FGF14: variants seen among roughly 807,000 people sequenced by gnomAD.
FGF14 encodes fibroblast growth factor 14, also known as fibroblast growth factor homologous factor 4.
A neutral mutation model predicts 25.5 loss-of-function variants in FGF14; 5 were observed. The observed-to-expected ratio is 0.20, with a 90% CI of 0.10 to 0.41. The LOEUF (loss-of-function observed/expected upper bound fraction) is 0.41. Among genes scored for constraint, FGF14 ranks in the 10% least tolerant of loss-of-function variants. The pLI, the probability that FGF14 is intolerant of heterozygous loss-of-function variation, is 1.00. For synonymous variants in FGF14, 138 were observed against 118.3 expected (o/e 1.17, Z -1.08); for missense variants, 222 against 320.1 (o/e 0.69, Z 2.34).
At chr13:102,086,845 T>C (rs74756942) in intron 1 of FGF14, among the ~76,000 whole-genome samples, 2 of 152,172 alleles carry the variant, frequency 1.3e-5, no homozygotes, top group Non-Finnish European at 2.9e-5. Context: ...CTGGCACACA[T>C]AGAACTGTGC....
intron 1 of FGF14, among the ~76,000 whole-genome samples, chr13:102,161,638 AAGAAGAAG>A (rs2047720620): frequency 8.6e-5 from 1 of 11,584 alleles, no homozygotes; most frequent in Non-Finnish European, 1.6e-4. Flanking sequence ...GAAGAAGAAG[AAGAAGAAG>A]AAGAAGAAGA....
chr13:101,904,945 A>C (rs1044507279), intron 1 of FGF14, among the ~76,000 whole-genome samples: 1 of 152,240 alleles, frequency 6.6e-6, no homozygotes, highest in Non-Finnish European at 1.5e-5. Context: ...TGCAGAAAAC[A>C]AAAGTTGGTC....
At chr13:102,257,272 T>C (rs1381383358) in intron 1 of FGF14, among the ~76,000 whole-genome samples, 1 of 151,742 alleles carries the variant, frequency 6.6e-6, no homozygotes, top group Non-Finnish European at 1.5e-5. Flanking sequence ...ATTCTTTCAA[T>C]AGTTTGCTGA....
At chr13:102,175,771 C>A (rs996825134) in intron 1 of FGF14, among the ~76,000 whole-genome samples, 1 of 151,794 alleles carries the variant, frequency 6.6e-6, no homozygotes, top group African/African-American at 2.4e-5. Context: ...TATGAAAGAC[C>A]CTTCTCAAAA....
At position 102,054,571 on chromosome 13, in the gene FGF14, G is replaced by T. The variant is rs1335214141; in HGVS notation, c.209-179275C>A. On this transcript the variant is annotated intron_variant, in intron 1 of 4. Coordinates refer to the FGF14 transcript ENST00000376131. ...TGTTAATGTCAATTTTAATTACAGA[G>T]TCAGGTGTTTGGACTTTCCCTGGGT... 3.9e-5 allele frequency among the ~76,000 whole-genome samples: 6 copies of T among 152,164 alleles called. No individual in the cohort carries two copies. In the East Asian group the frequency reaches 1.2e-3, roughly 29 times the overall value.
chr13:102,307,802 G>A (rs1434058828), intron 1 of FGF14, among the ~76,000 whole-genome samples: 1 of 152,046 alleles, frequency 6.6e-6, no homozygotes, highest in Non-Finnish European at 1.5e-5. Flanking sequence ...TCCATAAGGT[G>A]CCACGGCCAC....
At chr13:102,090,462 A>G (rs544359372) in intron 1 of FGF14, among the ~76,000 whole-genome samples, 146 of 123,822 alleles carry the variant, frequency 1.2e-3, no homozygotes, top group Non-Finnish European at 2.1e-3. Context: ...AATGAAGATG[A>G]TATTACTACC....
intron 1 of FGF14, among the ~76,000 whole-genome samples, chr13:102,195,760 C>CA (rs1480891734): frequency 8.0e-6 from 1 of 124,988 alleles, no homozygotes; most frequent in African/African-American, 3.1e-5. Context: ...CCACTGCATA[C>CA]AAGCCTGGGT....
intron 1 of FGF14, among the ~76,000 whole-genome samples, chr13:102,311,008 T>C (rs1026545442): frequency 1.3e-5 from 2 of 152,004 alleles, no homozygotes; most frequent in Admixed American, 6.6e-5. Context: ...GTGTCCCATA[T>C]GGCCCACTTG....
intron 3 of FGF14, among the ~76,000 whole-genome samples, chr13:101,827,311 T>C (rs1245615446): frequency 6.6e-6 from 1 of 151,988 alleles, no homozygotes; most frequent in African/African-American, 2.4e-5. Flanking sequence ...ATTGACAAAA[T>C]AGTTACCAGA....
intron 1 of FGF14, among the ~76,000 whole-genome samples, chr13:102,377,503 C>T (rs1026626065): frequency 5.3e-5 from 8 of 152,232 alleles, no homozygotes; most frequent in African/African-American, 1.9e-4. Flanking sequence ...AAGCAGGTAT[C>T]TTAATATTCT....
chr13:102,189,301 G>C (rs2049033097), intron 1 of FGF14, among the ~76,000 whole-genome samples: 1 of 152,188 alleles, frequency 6.6e-6, no homozygotes, highest in Non-Finnish European at 1.5e-5. Context: ...AGAAATCATT[G>C]AAACATTTTG....
intron 1 of FGF14, among the ~76,000 whole-genome samples, chr13:102,161,624 A>G (rs879323699): frequency 0.032 from 532 of 16,614 alleles, 16 homozygotes; most frequent in African/African-American, 0.049. Context: ...AAGAAGAAGA[A>G]GAAGAAGAAG....
intron 1 of FGF14, among the ~76,000 whole-genome samples, chr13:102,012,519 G>T (rs527840681): frequency 6.6e-6 from 1 of 152,078 alleles, no homozygotes; most frequent in Non-Finnish European, 1.5e-5. Flanking sequence ...TTAGTCACTG[G>T]CAGGATATAG....
chr13:102,064,235 C>A (rs529109447), intron 1 of FGF14, among the ~76,000 whole-genome samples: 1 of 151,982 alleles, frequency 6.6e-6, no homozygotes, highest in East Asian at 1.9e-4. Flanking sequence ...TTTATGCCTG[C>A]TGGTACTTTA....
At chr13:101,908,345 GT>G (rs2032505486) in intron 1 of FGF14, among the ~76,000 whole-genome samples, 1 of 152,022 alleles carries the variant, frequency 6.6e-6, no homozygotes, top group African/African-American at 2.4e-5. Context: ...TTTTATTTTT[GT>G]TTCCGATTCC....
intron 1 of FGF14, among the ~76,000 whole-genome samples, chr13:101,998,705 G>A (rs530199634): frequency 1.3e-5 from 2 of 152,276 alleles, no homozygotes; most frequent in East Asian, 1.9e-4. Context: ...GAGGCTCCCC[G>A]TCGGTGTATG....
At chr13:101,887,619 A>G (rs2046063360) in intron 1 of FGF14, among the ~76,000 whole-genome samples, 1 of 152,092 alleles carries the variant, frequency 6.6e-6, no homozygotes, top group South Asian at 2.1e-4. Context: ...AGGTTGTTTA[A>G]TGGGCACAAA....
chr13:101,841,996 A>C (rs1464976701), intron 3 of FGF14, among the ~76,000 whole-genome samples: 1 of 151,980 alleles, frequency 6.6e-6, no homozygotes, highest in Non-Finnish European at 1.5e-5. Flanking sequence ...CATATAATTA[A>C]ATGTATTCAG....
Sources: allele counts gnomAD v4.1 joint callset (sites outside exome capture counted in the v4.1 genomes callset), GRCh38; gene constraint gnomAD v4.1.1; transcripts MANE v1.5; gene names NCBI Gene and HGNC (gene_info 2026-07-23, HGNC 2026-07-21).